Variants in SRP54 observed in about 807,000 individuals in gnomAD.
The protein encoded by SRP54 is signal recognition particle subunit SRP54.
SRP54 carries 10 observed loss-of-function variants against 64.8 expected under a neutral mutation model. That is an observed-to-expected ratio of 0.15 (90% CI 0.10 to 0.26). The LOEUF (loss-of-function observed/expected upper bound fraction) is 0.26, where lower values mean the gene tolerates loss of function less well. Ranked by LOEUF, SRP54 falls within the 10% of genes least tolerant of loss-of-function variation. The pLI is 1.00. For synonymous variants in SRP54, 193 were observed against 185.6 expected (o/e 1.04, Z -0.32); for missense variants, 325 against 613.7 (o/e 0.53, Z 4.97).
At chr14:34,991,550 AT>A (rs2043979992) in intron 1 of SRP54, among the ~76,000 whole-genome samples, 1 of 151,806 alleles carries the variant, frequency 6.6e-6, no homozygotes, top group Non-Finnish European at 1.5e-5. Flanking sequence ...TAAATAAGTG[AT>A]TAGGGAAGAC....
chr14:35,017,888 A>G (rs891718434), intron 11 of SRP54, among the ~76,000 whole-genome samples: 2 of 152,162 alleles, frequency 1.3e-5, no homozygotes, highest in African/African-American at 4.8e-5. Flanking sequence ...TAGGAGGCCA[A>G]GGTGGGAGGA....
At chr14:34,989,494 G>A (rs963318630) in intron 1 of SRP54, among the ~76,000 whole-genome samples, 1 of 152,074 alleles carries the variant, frequency 6.6e-6, no homozygotes, top group African/African-American at 2.4e-5. Flanking sequence ...CTTTTTTGTA[G>A]GGATTATGTT....
intron 13 of SRP54, among the ~76,000 whole-genome samples, chr14:35,022,542 A>G (rs2139023346): frequency 6.6e-6 from 1 of 152,204 alleles, no homozygotes; most frequent in East Asian, 1.9e-4. Flanking sequence ...TTATTAGTAA[A>G]GACAGGGTTT....
intron 1 of SRP54, among the ~76,000 whole-genome samples, chr14:34,995,140 T>G (rs1169125097): frequency 2.1e-4 from 12 of 58,522 alleles, no homozygotes; most frequent in South Asian, 4.6e-4. Flanking sequence ...AAAGGGTGTG[T>G]GTGTGTGTGT....
At chr14:35,016,880 G>A (rs1378023739) in intron 11 of SRP54, among the ~76,000 whole-genome samples, 2 of 113,380 alleles carry the variant, frequency 1.8e-5, no homozygotes, top group Admixed American at 1.1e-4. Context: ...TTGAGACAGA[G>A]TTTCACTCTT....
chr14:34,988,580 T>TATATATATATATATATATC (rs1343386236), intron 1 of SRP54, among the ~76,000 whole-genome samples: 1 of 22,434 alleles, frequency 4.5e-5, no homozygotes, highest in Admixed American at 4.5e-4. Flanking sequence ...AAAAAAAAAA[T>TATATATATATATATATATC]ATATATATAT....
At chr14:35,001,436 C>A (rs753154589) in intron 4 of SRP54, among the ~76,000 whole-genome samples, 1 of 152,130 alleles carries the variant, frequency 6.6e-6, no homozygotes, top group African/African-American at 2.4e-5. Flanking sequence ...TAGGTGTGAA[C>A]CACTGCACCT....
In SRP54 at chr14:35,021,415, A is replaced by G. The variant is rs140538564; in HGVS notation, c.1157-1495A>G. Reference sequence around the variant, plus strand: ...GAGGCTGAGGTCGGTGGATCACTTGAGGTCAGGAGTTCGAGACCAGCCTGG... The same window carrying G: ...GAGGCTGAGGTCGGTGGATCACTTGGGGTCAGGAGTTCGAGACCAGCCTGG... On this transcript the variant is annotated intron_variant, in intron 13 of 15. Coordinates refer to ENST00000216774, the MANE Select transcript of SRP54 (RefSeq NM_003136.4). Among the ~76,000 whole-genome samples, 860 of 152,238 alleles carry G rather than the reference A, an allele frequency of 5.6e-3. 4 individuals are homozygous for G. The highest frequency in any genetic ancestry group is 0.017 in the Middle Eastern group (5 of 294).
chr14:34,992,412 A>T (rs990827244), intron 1 of SRP54, among the ~76,000 whole-genome samples: 6 of 152,330 alleles, frequency 3.9e-5, no homozygotes, highest in African/African-American at 1.4e-4. Flanking sequence ...TAAAACAACC[A>T]GTTAACATGG....
chr14:35,001,891 GAAA>G, intron 4 of SRP54, among the ~76,000 whole-genome samples: 1 of 151,950 alleles, frequency 6.6e-6, no homozygotes, highest in East Asian at 1.9e-4. Context: ...GAAAAAAAAA[GAAA>G]GGAGCTGTTA....
At chr14:34,987,243 A>AT (rs1193984687) in intron 1 of SRP54, among the ~76,000 whole-genome samples, 759 of 74,858 alleles carry the variant, frequency 0.01, 1 homozygote, top group African/African-American at 0.023. Context: ...AAAAAAAAAA[A>AT]AAAATATATA....
At chr14:35,025,763 TCTC>T (rs1303624021) in intron 14 of SRP54, among the ~76,000 whole-genome samples, 2 of 152,338 alleles carry the variant, frequency 1.3e-5, no homozygotes, top group South Asian at 2.1e-4. Flanking sequence ...AACATAATCT[TCTC>T]TTTCATTCAT....
At chr14:34,991,615 T>G (rs893998530) in intron 1 of SRP54, among the ~76,000 whole-genome samples, 3 of 150,994 alleles carry the variant, frequency 2.0e-5, no homozygotes, top group Non-Finnish European at 2.9e-5. Flanking sequence ...GAGGGAGTTA[T>G]GTTGTCAAGC....
At chr14:35,003,864 G>A (rs1460551949) in intron 4 of SRP54, among the ~76,000 whole-genome samples, 2 of 151,936 alleles carry the variant, frequency 1.3e-5, no homozygotes, top group Non-Finnish European at 2.9e-5. Context: ...AATCCGGGAG[G>A]TGGAGGTTGC....
chr14:35,018,852 C>A, intron 12 of SRP54, 87 bp downstream of exon 12: 2 of 1,425,558 alleles, frequency 1.4e-6, no homozygotes, highest in Non-Finnish European at 1.9e-6. Flanking sequence ...TTTTTACATT[C>A]GGGTAAAAAT....
intron 1 of SRP54, among the ~76,000 whole-genome samples, chr14:34,984,193 C>T (rs926835167): frequency 6.6e-6 from 1 of 152,168 alleles, no homozygotes; most frequent in African/African-American, 2.4e-5. Flanking sequence ...GTCTTCCTTC[C>T]AGATTACTCC....
intron 4 of SRP54, among the ~76,000 whole-genome samples, chr14:35,003,797 G>A (rs562462959): frequency 2.6e-5 from 4 of 151,428 alleles, no homozygotes; most frequent in Admixed American, 6.6e-5. Context: ...AGCTGGGAAC[G>A]ATGGCTTACA....
intron 8 of SRP54, among the ~76,000 whole-genome samples, chr14:35,011,989 C>T (rs567784865): frequency 2.6e-5 from 4 of 152,088 alleles, no homozygotes; most frequent in African/African-American, 7.2e-5. Flanking sequence ...GAGGCCAGGG[C>T]GGATGGATCA....
intron 7 of SRP54, among the ~76,000 whole-genome samples, chr14:35,010,196 C>A (rs1301639831): frequency 1.3e-5 from 2 of 151,304 alleles, no homozygotes; most frequent in Non-Finnish European, 2.9e-5. Context: ...ACCTGTAATC[C>A]CCGTACTTTG....
Sources: allele counts gnomAD v4.1 joint callset (sites outside exome capture counted in the v4.1 genomes callset), GRCh38; gene constraint gnomAD v4.1.1; transcripts MANE v1.5; gene names NCBI Gene and HGNC (gene_info 2026-07-23, HGNC 2026-07-21).